PTPN9: variants seen among roughly 807,000 people sequenced by gnomAD.
PTPN9 encodes tyrosine-protein phosphatase non-receptor type 9.
In PTPN9, 26 loss-of-function variants were observed where a neutral mutation model predicts 69.8. That is an observed-to-expected ratio of 0.37 (90% CI 0.27 to 0.52). The LOEUF (loss-of-function observed/expected upper bound fraction) is 0.52. Ranked by LOEUF, PTPN9 falls within the 20% of genes least tolerant of loss-of-function variation. The pLI, the probability that PTPN9 is intolerant of heterozygous loss-of-function variation, is 0.91. For synonymous variants in PTPN9, 274 were observed against 272.5 expected, an observed-to-expected ratio of 1.01 and a Z score of -0.05; for missense variants, 549 against 740.3, an observed-to-expected ratio of 0.74 and a Z score of 3.00.
intron 1 of PTPN9, among the ~76,000 whole-genome samples, chr15:75,539,439 A>G (rs7168971): frequency 1 from 151,626 of 151,638 alleles, 75,807 homozygotes; most frequent in Middle Eastern, 1. Context: ...TCAGCCTCCC[A>G]AGAAGCTGGG....
intron 1 of PTPN9, among the ~76,000 whole-genome samples, chr15:75,566,623 G>A (rs1270263523): frequency 6.6e-6 from 1 of 151,624 alleles, no homozygotes; most frequent in Non-Finnish European, 1.5e-5. Context: ...AGGTTGCAGT[G>A]AGCTGAGATC....
chr15:75,470,109 C>T, intron 11 of PTPN9, 110 bp from the exon 12 acceptor site: 2 of 964,772 alleles, frequency 2.1e-6, no homozygotes, highest in Non-Finnish European at 3.2e-6. Context: ...ACCAAGGCTC[C>T]TATCCACCAC....
intron 1 of PTPN9, among the ~76,000 whole-genome samples, chr15:75,540,680 T>C (rs895287030): frequency 2.0e-5 from 3 of 151,782 alleles, no homozygotes; most frequent in African/African-American, 4.8e-5. Flanking sequence ...GGCTGCTAGG[T>C]GAGGTGACAC....
At chr15:75,537,606 T>G (rs1486427717) in intron 1 of PTPN9, among the ~76,000 whole-genome samples, 1 of 147,320 alleles carries the variant, frequency 6.8e-6, no homozygotes, top group Non-Finnish European at 1.5e-5. Flanking sequence ...TGCAAAAAAC[T>G]TAGCTGGGCG....
Position 75,523,108 on chromosome 15 carries a change from T to A in PTPN9, c.422+13A>T. On this transcript the variant is annotated intron_variant, in intron 4 of 12. Coordinates refer to ENST00000618819, the MANE Select transcript of PTPN9 (RefSeq NM_002833.4). ...TGCATGTAGAATACCTAAAAAATAA[T>A]CTCAATGCTTACCTATCCACAGCTC... 3 of 1,605,384 alleles carry A rather than the reference T, an allele frequency of 1.9e-6. No individual in the cohort carries two copies. Among genetic ancestry groups the A allele is most frequent in the Non-Finnish European group, 2.5e-6 (3 of 1,178,020 alleles).
rs540604761 is a variant in PTPN9 at position 75,567,272 on chromosome 15, C to G, written c.63+11442G>C. On this transcript the variant is annotated intron_variant, in intron 1 of 12. Coordinates refer to ENST00000618819, the MANE Select transcript of PTPN9 (RefSeq NM_002833.4). ...ACCTCAGGTGATCCGACTGCCTTGGCCTCCCAAAGTGCTGGGATTACAGGC... is the reference window on the plus strand; with the variant it reads ...ACCTCAGGTGATCCGACTGCCTTGGGCTCCCAAAGTGCTGGGATTACAGGC... Among the ~76,000 whole-genome samples the G allele has an allele frequency of 2.6e-5, 4 of 152,232 alleles. No individual in the cohort carries two copies. In the East Asian group the frequency reaches 5.8e-4, roughly 22 times the overall value.
At chr15:75,558,319 T>C (rs535058264) in intron 1 of PTPN9, among the ~76,000 whole-genome samples, 2 of 142,386 alleles carry the variant, frequency 1.4e-5, no homozygotes, top group South Asian at 4.5e-4. Flanking sequence ...AGAGTGAGAC[T>C]CCATCTCAAA....
intron 1 of PTPN9, among the ~76,000 whole-genome samples, chr15:75,528,421 G>C (rs1445420725): frequency 1.3e-5 from 2 of 150,904 alleles, no homozygotes; most frequent in Non-Finnish European, 2.9e-5. Flanking sequence ...CTCACTCTGT[G>C]ACCCAGGCTG....
intron 1 of PTPN9, among the ~76,000 whole-genome samples, chr15:75,564,551 G>A (rs992089893): frequency 2.7e-5 from 4 of 150,168 alleles, no homozygotes; most frequent in Non-Finnish European, 4.4e-5. Flanking sequence ...AGCCAGAATC[G>A]CGCCACTGAC....
At chr15:75,530,469 T>A in intron 1 of PTPN9, among the ~76,000 whole-genome samples, 1 of 99,104 alleles carries the variant, frequency 1.0e-5, no homozygotes, top group East Asian at 2.6e-4. Flanking sequence ...ATATATATTA[T>A]AATAATAAAA....
chr15:75,485,354 CTTTTTTTTTT>C (rs891447336), intron 8 of PTPN9, among the ~76,000 whole-genome samples: 28 of 78,764 alleles, frequency 3.6e-4, no homozygotes, highest in African/African-American at 1.3e-3. Flanking sequence ...ATTGTCACTT[CTTTTTTTTTT>C]TTTTTTTTTT....
At chr15:75,487,338 A>G (rs1261589175) in intron 8 of PTPN9, 1 of 151,496 alleles carries the variant, frequency 6.6e-6, no homozygotes, top group East Asian at 1.9e-4. Flanking sequence ...CAAAAAAACT[A>G]AAAACTAAAA....
At chr15:75,545,309 T>G (rs1307989222) in intron 1 of PTPN9, among the ~76,000 whole-genome samples, 1 of 152,138 alleles carries the variant, frequency 6.6e-6, no homozygotes, top group East Asian at 1.9e-4. Flanking sequence ...GGTTCACACT[T>G]GTAATCCCAA....
At chr15:75,551,701 G>A (rs1052207939) in intron 1 of PTPN9, among the ~76,000 whole-genome samples, 1 of 152,126 alleles carries the variant, frequency 6.6e-6, no homozygotes, top group South Asian at 2.1e-4. Flanking sequence ...GACCTCATCT[G>A]TAATATAGAC....
At chr15:75,528,561 C>T (rs1183631802) in intron 1 of PTPN9, among the ~76,000 whole-genome samples, 1 of 151,608 alleles carries the variant, frequency 6.6e-6, no homozygotes, top group Non-Finnish European at 1.5e-5. Flanking sequence ...TAATTTTTTT[C>T]TTTGTTATTT....
rs555981057 is a variant in PTPN9, at chr15:75,526,254, A to C, written c.207+864T>G. On this transcript the variant is annotated intron_variant, in intron 2 of 12. Transcript: ENST00000618819. ...TGATCCACCTGCCTTGGCCTCCCAA[A>C]GTGCTGAGATTACAGGCATGAGCCA... is the stretch of plus-strand genomic sequence containing the variant. Among the ~76,000 whole-genome samples, 4 of 152,266 alleles carry C rather than the reference A, an allele frequency of 2.6e-5. No homozygotes were observed. The East Asian group carries it at 7.7e-4, about 29-fold the overall frequency.
intron 5 of PTPN9, 58 bp from the exon 6 acceptor site, chr15:75,509,085 A>G: frequency 7.1e-7 from 1 of 1,417,048 alleles, no homozygotes; most frequent in Non-Finnish European, 9.9e-7. Flanking sequence ...CTTCAAGCCC[A>G]AGTTTAGGTT....
At position 75,537,753 on chromosome 15, in the gene PTPN9, C is replaced by CAAAAAA. The variant is rs1164644727; in HGVS notation, c.64-10498_64-10493dup. Among the ~76,000 whole-genome samples the CAAAAAA allele has an allele frequency of 3.2e-3, 36 of 11,340 alleles. 1 individual carries two copies. The highest frequency in any genetic ancestry group is 5.0e-3 in the African/African-American group (11 of 2,192). The allele number at this position is 11,340 out of a possible 152,430, so 7.4% of individuals were successfully genotyped here. ...AGGGCAACAGAGGGAGACTCCATCTCAAAAAAAAAAAAAAAAAAAAAAAGG... is the reference window on the plus strand; with the variant it reads ...AGGGCAACAGAGGGAGACTCCATCTCAAAAAAAAAAAAAAAAAAAAAAAAAAAAAGG... On this transcript the variant is annotated intron_variant, in intron 1 of 12. Transcript: ENST00000618819.
chr15:75,559,744 C>T lies in PTPN9; in HGVS notation c.63+18970G>A, dbSNP rs367718141. Among the ~76,000 whole-genome samples the T allele has an allele frequency of 2.9e-4, 32 of 111,568 alleles. No individual in the cohort carries two copies. The East Asian group carries it at 6.9e-3, about 24-fold the overall frequency. The allele number at this position is 111,568 out of a possible 152,430, so 73.2% of individuals were successfully genotyped here. ...TATGACCCTGCCAAATCCCCCTCTG[C>T]GAGAAACACCCAAGAATGGTCAACA... On this transcript the variant is annotated intron_variant, in intron 1 of 12. Transcript: ENST00000618819.
Sources: gnomAD v4.1 joint callset for allele counts (sites outside exome capture counted in the v4.1 genomes callset) on GRCh38, gnomAD v4.1.1 for gene constraint, MANE v1.5 for transcripts, NCBI Gene and HGNC (gene_info 2026-07-23, HGNC 2026-07-21) for gene names.